The following PSMC1 variants were observed in gnomAD, a reference collection of about 807,000 sequenced individuals.
PSMC1 encodes 26S proteasome regulatory subunit 4.
In PSMC1, 5 loss-of-function variants were observed where a neutral mutation model predicts 49.8. That is an observed-to-expected ratio of 0.10 (90% CI 0.05 to 0.21). The LOEUF is 0.21. Among genes scored for constraint, PSMC1 ranks in the 10% least tolerant of loss-of-function variants. The pLI, the probability that PSMC1 is intolerant of heterozygous loss-of-function variation, is 1.00. For synonymous variants in PSMC1, 155 were observed against 192.1 expected (o/e 0.81, Z 1.60); for missense variants, 181 against 535.7 (o/e 0.34, Z 6.54).
rs897146220 is a variant in PSMC1 at position 90,264,959 on chromosome 14, G to A, written c.595-111G>A. 2.1e-5 allele frequency: 17 copies of A among 791,154 alleles called. No individual in the cohort carries two copies. The East Asian group carries it at 4.0e-4, about 19-fold the overall frequency. 49.0% of individuals were successfully genotyped at this position (791,154 alleles called of 1,614,324 possible). On this transcript the variant is annotated intron_variant, in intron 6 of 10. Coordinates refer to ENST00000261303, the MANE Select transcript of PSMC1 (RefSeq NM_002802.3). ...ATCAAGCACATTGTCTCTAAGAAGAGTAATTGAGATTTTTACTTATTTTTG... is the reference window on the plus strand; with the variant it reads ...ATCAAGCACATTGTCTCTAAGAAGAATAATTGAGATTTTTACTTATTTTTG...
chr14:90,269,593 T>C (rs1467440786), intron 9 of PSMC1, 45 bp downstream of exon 9: 25 of 1,588,616 alleles, frequency 1.6e-5, no homozygotes, highest in Non-Finnish European at 2.1e-5. Flanking sequence ...TGTGTTTATA[T>C]ATTTGTGTTT....
In PSMC1 at chr14:90,264,162, A is replaced by G; in HGVS notation, c.587A>G (p.Glu196Gly). 1 of 1,612,264 alleles carries G rather than the reference A, an allele frequency of 6.2e-7. No homozygotes were observed. The highest frequency in any genetic ancestry group is 8.5e-7 in the Non-Finnish European group (1 of 1,179,606). The part of the protein sequence containing the change: ...DIGGLDNQIQ[E>G]IKESVELPLT... Reference sequence around the variant, plus strand: ...GGGGGGTTGGACAACCAAATTCAGGAAATTAAGGTATGATTGATTGGTAAC... The same window carrying G: ...GGGGGGTTGGACAACCAAATTCAGGGAATTAAGGTATGATTGATTGGTAAC... The change falls in exon 6 of 11, where the codon GAA becomes GGA. Residue 196 changes from glutamate (E) to glycine (G), a missense_variant. Transcript: ENST00000261303.
chr14:90,265,174 C>T lies in PSMC1; in HGVS notation c.691+8C>T, dbSNP rs776602875. 6.3e-7 allele frequency: 1 copy of T among 1,590,870 alleles called. No individual in the cohort carries two copies. The highest frequency in any genetic ancestry group is 8.6e-7 in the Non-Finnish European group (1 of 1,162,620). ...ATGGTCCACCTGGCACAGGTATGCTCTGTTTTTGACACTTTCCAGGCACCC... is the reference window on the plus strand; with the variant it reads ...ATGGTCCACCTGGCACAGGTATGCTTTGTTTTTGACACTTTCCAGGCACCC... On this transcript the variant is annotated splice_region_variant and intron_variant, in intron 7 of 10. Transcript: ENST00000261303.
intron 7 of PSMC1, 33 bp from the exon 8 acceptor site, chr14:90,268,191 C>CTTTTTT: frequency 1.5e-6 from 2 of 1,303,802 alleles, no homozygotes; most frequent in South Asian, 1.5e-5. Flanking sequence ...CTTAAGGTGT[C>CTTTTTT]TTTTTTTTTT....
intron 10 of PSMC1, chr14:90,271,174 A>T (rs1389610035): frequency 6.6e-6 from 1 of 152,192 alleles, no homozygotes; most frequent in Non-Finnish European, 1.5e-5. Context: ...CTCTTTCTAT[A>T]CACAAAACTT....
rs1309707235 is a variant in PSMC1 at position 90,272,254 on chromosome 14, A to C, written c.1189-19A>C. 4 of 1,600,900 alleles carry C rather than the reference A, an allele frequency of 2.5e-6. No individual in the cohort carries two copies. In the Admixed American group the frequency reaches 7.2e-5, roughly 29 times the overall value. ...AAAATGAGTATGTCACTTTCTGAAC[A>C]CACTCTTCTTTCTTACAGGCAATCT... On this transcript the variant is annotated intron_variant, in intron 10 of 10. Transcript: ENST00000261303. The surrounding 1 kb of genome is among the most constrained non-coding windows in gnomAD (Gnocchi z 4.5).
At position 90,256,615 on chromosome 14, in the gene PSMC1, G is replaced by A. The variant is rs749899776; in HGVS notation, c.3+15G>A. On this transcript the variant is annotated intron_variant, in intron 1 of 10. Transcript: ENST00000261303. Reference sequence around the variant, plus strand: ...AAGGCAAGATGGTGAGTGACTAAGGGTTTCTTTCCGCTGGTCGTCGCGGTG... The same window carrying A: ...AAGGCAAGATGGTGAGTGACTAAGGATTTCTTTCCGCTGGTCGTCGCGGTG... 1 of 1,588,040 alleles carries A rather than the reference G, an allele frequency of 6.3e-7. No homozygotes were observed. The highest frequency in any genetic ancestry group is 1.8e-5 in the Admixed American group (1 of 56,000).
At chr14:90,261,714 C>T (rs1042642881) in intron 3 of PSMC1, among the ~76,000 whole-genome samples, 5 of 152,152 alleles carry the variant, frequency 3.3e-5, no homozygotes, top group Admixed American at 6.5e-5. Flanking sequence ...GGACTGTAAA[C>T]TAGTTCAACC....
Position 90,263,861 on chromosome 14 carries a change from CTT to C in PSMC1, c.465+18_465+19del. The C allele has an allele frequency of 6.2e-7, 1 of 1,613,776 alleles. No homozygotes were observed. Among genetic ancestry groups the C allele is most frequent in the Non-Finnish European group, 8.5e-7 (1 of 1,179,724 alleles). On this transcript the variant is annotated intron_variant, in intron 5 of 10. Coordinates refer to ENST00000261303, the MANE Select transcript of PSMC1 (RefSeq NM_002802.3). Reference sequence around the variant, plus strand: ...CTCAACCACAAGGTGAGGTGATAGTCTTTTTCAGAAAGCCCACGGAAGTGCTT... The same window carrying C: ...CTCAACCACAAGGTGAGGTGATAGTCTTTCAGAAAGCCCACGGAAGTGCTT...
chr14:90,263,821 G>A lies in PSMC1; in HGVS notation c.439G>A (p.Gly147Ser). ...SFVDKDLLEP[G>S]CSVLLNHKVH... ...TGTAGACAAGGATCTGCTGGAACCTGGCTGCTCGGTCCTGCTCAACCACAA... is the reference window on the plus strand; with the variant it reads ...TGTAGACAAGGATCTGCTGGAACCTAGCTGCTCGGTCCTGCTCAACCACAA... The change falls in exon 5 of 11, where the codon GGC (glycine) becomes AGC (serine). Residue 147 changes from glycine to serine, a missense_variant. Gly to Ser is a moderately conservative substitution (Grantham distance 56, BLOSUM62 0). Transcript: ENST00000261303. The A allele has an allele frequency of 6.2e-7, 1 of 1,614,168 alleles. No individual in the cohort carries two copies. Among genetic ancestry groups the A allele is most frequent in the Non-Finnish European group, 8.5e-7 (1 of 1,180,004 alleles).
intron 8 of PSMC1, 49 bp downstream of exon 8, chr14:90,268,462 T>C (rs375519977): frequency 8.3e-6 from 13 of 1,565,956 alleles, no homozygotes; most frequent in Non-Finnish European, 1.1e-5. Context: ...GAACACCGCA[T>C]AGCTCTTCTC....
chr14:90,264,267 A>G (rs989728669), intron 6 of PSMC1, 98 bp downstream of exon 6: 2 of 1,522,782 alleles, frequency 1.3e-6, no homozygotes, highest in Non-Finnish European at 1.8e-6. Context: ...CTTATTTATT[A>G]ATCAAACCAG....
At chr14:90,265,545 C>T (rs1245453524) in intron 7 of PSMC1, among the ~76,000 whole-genome samples, 2 of 151,740 alleles carry the variant, frequency 1.3e-5, no homozygotes, top group Admixed American at 1.3e-4. Flanking sequence ...AAAAATTAGC[C>T]GGGTGTGGTG....
At position 90,268,383 on chromosome 14, in the gene PSMC1, T is replaced by G. The variant is rs373464261; in HGVS notation, c.851T>G (p.Ile284Ser). 6.2e-7 allele frequency: 1 copy of G among 1,612,758 alleles called. No individual in the cohort carries two copies. Among genetic ancestry groups the G allele is most frequent in the Non-Finnish European group, 8.5e-7 (1 of 1,179,648 alleles). ...AEEHAPSIVF[I>S]DEIDAIGTKR... ...GAACATGCACCGTCCATCGTGTTTA[T>G]TGATGAAATTGACGCCATTGGGACA... The change falls in exon 8 of 11, where the codon ATT (isoleucine) becomes AGT (serine). Residue 284 changes from isoleucine to serine, a missense_variant. Physicochemically the swap from Ile to Ser is moderately radical, Grantham distance 142. Coordinates refer to ENST00000261303, the MANE Select transcript of PSMC1 (RefSeq NM_002802.3).
Position 90,263,425 on chromosome 14 carries a change from T to C in PSMC1, c.262T>C (p.Leu88=). 1 of 1,579,844 alleles carries C rather than the reference T, an allele frequency of 6.3e-7. No homozygotes were observed. ...FIRNQEQMKP[L]EEKQEEERSK... ...TAGAAATCAGGAACAAATGAAACCA[T>C]TAGAAGAAAAGCAAGAGGTAAGTTG... The change falls in exon 4 of 11, where the codon TTA becomes CTA. Residue 88 remains leucine (L), a synonymous_variant. Transcript: ENST00000261303.
Position 90,272,709 on chromosome 14 carries a change from A to G in PSMC1, c.*302A>G, listed in dbSNP as rs946204835. 2 of 238,748 alleles carry G rather than the reference A, an allele frequency of 8.4e-6. No individual in the cohort carries two copies. Among genetic ancestry groups the G allele is most frequent in the Non-Finnish European group, 1.7e-5 (2 of 119,746 alleles). The allele number at this position is 238,748 out of a possible 1,614,324, so 14.8% of individuals were successfully genotyped here. A position where few individuals can be genotyped will look rare whatever the true frequency, so the allele number is the denominator to read the frequency against. ...CCCAGCTACAGGGAAGCCTTTGGAC[A>G]GGAACTCAGGCTGCGGTCCCAAGGA... On this transcript the variant is annotated 3_prime_UTR_variant, in exon 11 of 11. Transcript: ENST00000261303. The surrounding 1 kb of genome is among the most constrained non-coding windows in gnomAD (Gnocchi z 4.5).
intron 1 of PSMC1, among the ~76,000 whole-genome samples, chr14:90,256,810 C>G (rs1031436666): frequency 6.6e-6 from 1 of 152,152 alleles, no homozygotes; most frequent in Non-Finnish European, 1.5e-5. Context: ...GCCCGGGGAT[C>G]CTGGGGCCGG....
intron 1 of PSMC1, among the ~76,000 whole-genome samples, chr14:90,257,375 A>G (rs1891315427): frequency 6.6e-6 from 1 of 152,122 alleles, no homozygotes; most frequent in Non-Finnish European, 1.5e-5. Context: ...TGGTTATTGT[A>G]TAGAAAGGGA....
intron 7 of PSMC1, among the ~76,000 whole-genome samples, chr14:90,265,558 G>A (rs58674390): frequency 2.6e-5 from 4 of 151,842 alleles, no homozygotes; most frequent in African/African-American, 4.8e-5. Flanking sequence ...GTGTGGTGAC[G>A]TGCGCCTGTA....
Sources: allele counts gnomAD v4.1 joint callset (sites outside exome capture counted in the v4.1 genomes callset), GRCh38; gene constraint gnomAD v4.1.1; non-coding constraint Gnocchi (gnomAD v3.1); transcripts MANE v1.5; gene names NCBI Gene and HGNC (gene_info 2026-07-23, HGNC 2026-07-21).